The following KCNN2 variants were observed in gnomAD, a reference collection of about 807,000 sequenced individuals.
KCNN2 encodes the protein potassium calcium-activated channel subfamily N member 2, also known as small conductance calcium-activated potassium channel protein 2.
In KCNN2, 24 loss-of-function variants were observed where a neutral mutation model predicts 55.5. The observed-to-expected ratio is 0.43, with a 90% CI of 0.31 to 0.61. The LOEUF is 0.61. Ranked by LOEUF, KCNN2 falls within the 20% of genes least tolerant of loss-of-function variation. KCNN2 has a pLI of 0.08. For synonymous variants in KCNN2, 431 were observed against 336.1 expected, an observed-to-expected ratio of 1.28 and a Z score of -3.09; for missense variants, 754 against 853.6, an observed-to-expected ratio of 0.88 and a Z score of 1.45.
intron 1 of KCNN2, among the ~76,000 whole-genome samples, chr5:114,165,311 A>T (rs1752886045): frequency 6.6e-6 from 1 of 152,142 alleles, no homozygotes; most frequent in Admixed American, 6.6e-5. Flanking sequence ...CCTACTTAAC[A>T]CGAAGACGAG....
At chr5:114,304,239 T>G (rs1756223567) in intron 2 of KCNN2, among the ~76,000 whole-genome samples, 1 of 152,130 alleles carries the variant, frequency 6.6e-6, no homozygotes. Context: ...GTTTTTTTCC[T>G]CCATCAGCTG....
intron 6 of KCNN2, among the ~76,000 whole-genome samples, chr5:114,492,970 A>G (rs1052419646): frequency 6.6e-6 from 1 of 152,114 alleles, no homozygotes; most frequent in Non-Finnish European, 1.5e-5. Flanking sequence ...TTCGGACTAA[A>G]CAGGGCTAAT....
At chr5:114,314,286 G>A (rs1278372526) in intron 2 of KCNN2, among the ~76,000 whole-genome samples, 2 of 152,110 alleles carry the variant, frequency 1.3e-5, no homozygotes, top group African/African-American at 4.8e-5. Flanking sequence ...CACTGGTGTG[G>A]AACATTTGTT....
chr5:114,069,964 A>G lies in KCNN2; in HGVS notation c.-271+13464A>G, dbSNP rs1750532632. 2.0e-5 allele frequency among the ~76,000 whole-genome samples: 3 copies of G among 152,252 alleles called. No homozygotes were observed. In the South Asian group the frequency reaches 6.2e-4, roughly 31 times the overall value. On this transcript the variant is annotated intron_variant, in intron 1 of 10. Transcript: ENST00000512097. ...TCTGTAGAATTATTGAAGGTATAATATATGAATATATCTCACTTTTCTTAT... is the reference window on the plus strand; with the variant it reads ...TCTGTAGAATTATTGAAGGTATAATGTATGAATATATCTCACTTTTCTTAT...
At chr5:114,330,156 G>A (rs1756788488) in intron 2 of KCNN2, among the ~76,000 whole-genome samples, 1 of 152,142 alleles carries the variant, frequency 6.6e-6, no homozygotes, top group African/African-American at 2.4e-5. Flanking sequence ...TGCCTGAAAT[G>A]GAGGTGAGTT....
At chr5:114,147,146 A>G (rs928560651) in intron 1 of KCNN2, among the ~76,000 whole-genome samples, 3 of 152,156 alleles carry the variant, frequency 2.0e-5, no homozygotes, top group Non-Finnish European at 2.9e-5. Context: ...CTGCCTTTTC[A>G]TTACTGGATC....
intron 5 of KCNN2, among the ~76,000 whole-genome samples, chr5:114,483,463 G>A (rs1325855718): frequency 6.6e-6 from 1 of 151,814 alleles, no homozygotes; most frequent in East Asian, 1.9e-4. Context: ...TAGTAGAGAT[G>A]GGGTTCCACT....
At chr5:114,428,335 A>C (rs752491311) in intron 3 of KCNN2, among the ~76,000 whole-genome samples, 1 of 152,194 alleles carries the variant, frequency 6.6e-6, no homozygotes, top group Non-Finnish European at 1.5e-5. Flanking sequence ...AATCTGCTCC[A>C]TCATTTAATG....
chr5:114,088,949 C>T (rs1036070119), intron 1 of KCNN2, among the ~76,000 whole-genome samples: 1 of 152,240 alleles, frequency 6.6e-6, no homozygotes, highest in Admixed American at 6.5e-5. Context: ...ATTGTAATAT[C>T]AGTTTTAAAA....
chr5:114,167,254 T>G (rs975656419), intron 1 of KCNN2, among the ~76,000 whole-genome samples: 3 of 152,108 alleles, frequency 2.0e-5, no homozygotes, highest in Admixed American at 1.3e-4. Flanking sequence ...TGTGCCATAT[T>G]CGTATTCTGA....
chr5:114,163,034 A>C (rs1752824557), intron 1 of KCNN2, among the ~76,000 whole-genome samples: 1 of 152,104 alleles, frequency 6.6e-6, no homozygotes, highest in Non-Finnish European at 1.5e-5. Flanking sequence ...GGCAATCCCC[A>C]GTGAGATGAA....
chr5:114,294,985 AGG>A, intron 2 of KCNN2, among the ~76,000 whole-genome samples: 1 of 152,292 alleles, frequency 6.6e-6, no homozygotes, highest in South Asian at 2.1e-4. Flanking sequence ...ATCAGAGACT[AGG>A]ATTGCAACCC....
At chr5:114,242,752 G>T (rs750941611) in intron 2 of KCNN2, among the ~76,000 whole-genome samples, 2 of 152,158 alleles carry the variant, frequency 1.3e-5, no homozygotes, top group Non-Finnish European at 2.9e-5. Context: ...ATTACTATTG[G>T]ATTCCTTAGG....
At chr5:114,323,662 T>TTTTTTTTTTTTTTTTTC (rs1756657928) in intron 2 of KCNN2, among the ~76,000 whole-genome samples, 1 of 141,960 alleles carries the variant, frequency 7.0e-6, no homozygotes, top group Non-Finnish European at 1.5e-5. Flanking sequence ...TTTTTTTTTT[T>TTTTTTTTTTTTTTTTTC]TTTTTGCTGG....
intron 2 of KCNN2, among the ~76,000 whole-genome samples, chr5:114,319,169 G>T (rs1756565895): frequency 6.6e-6 from 1 of 152,124 alleles, no homozygotes; most frequent in Admixed American, 6.5e-5. Context: ...CATATTCTGA[G>T]CGGGAAAGCA....
rs1418823397 is a variant in KCNN2 at position 114,362,854 on chromosome 5, A to G, written c.715A>G (p.Met239Val). 4 of 1,599,764 alleles carry G rather than the reference A, an allele frequency of 2.5e-6. No homozygotes were observed. Among genetic ancestry groups the G allele is most frequent in the Non-Finnish European group, 3.4e-6 (4 of 1,178,848 alleles). ...CGCGTCCCGCCGGAACCTGCACGAG[A>G]TGGACTCAGAGGCGCAGCCCCTGCA... ...LSASRRNLHEMDSEAQPLQPP... is the reference protein window; with the variant it reads ...LSASRRNLHEVDSEAQPLQPP... Residue 239 changes from methionine to valine, a missense_variant, in exon 1 of 8, where the codon ATG becomes GTG. Physicochemically the swap from Met to Val is conservative, Grantham distance 21. This residue lies in a region of KCNN2 where 381 missense variants were observed against 259.1 expected (regional missense o/e 1.47). Transcript: ENST00000673685.
chr5:114,157,857 T>A (rs1404105826), intron 1 of KCNN2, among the ~76,000 whole-genome samples: 2 of 151,726 alleles, frequency 1.3e-5, no homozygotes, highest in Non-Finnish European at 2.9e-5. Context: ...GGGGTTTTTT[T>A]TTTTCTTGTA....
Position 114,442,565 on chromosome 5 carries a change from T to C in KCNN2, c.1638-20484T>C, listed in dbSNP as rs576157197. ...CTGTCCTGGGATACAGTTGTCTCTT[T>C]CCTGCCCTCATGCAATACATCTCTA... On this transcript the variant is annotated intron_variant, in intron 3 of 7. Coordinates refer to ENST00000673685, the MANE Select transcript of KCNN2 (RefSeq NM_021614.4). Among the ~76,000 whole-genome samples the C allele has an allele frequency of 2.6e-5, 4 of 152,274 alleles. No homozygotes were observed. In the South Asian group the frequency reaches 8.3e-4, roughly 32 times the overall value.
intron 2 of KCNN2, among the ~76,000 whole-genome samples, chr5:114,333,842 T>G (rs1013779722): frequency 3.3e-5 from 5 of 152,258 alleles, no homozygotes; most frequent in African/African-American, 1.2e-4. Flanking sequence ...AATGCCATTG[T>G]GCTTAACTTT....
Sources: gnomAD v4.1 joint callset for allele counts (sites outside exome capture counted in the v4.1 genomes callset) on GRCh38, gnomAD v4.1.1 for gene constraint, gnomAD v4.1.1 regional missense constraint, MANE v1.5 for transcripts, NCBI Gene and HGNC (gene_info 2026-07-23, HGNC 2026-07-21) for gene names.